Variants in MROH2B observed in about 807,000 individuals in gnomAD.
MROH2B encodes maestro heat-like repeat-containing protein family member 2B.
MROH2B carries 177 observed loss-of-function variants against 208.6 expected under a neutral mutation model. The observed-to-expected ratio is 0.85, with a 90% CI of 0.75 to 0.96. The LOEUF is 0.96. Among genes scored for constraint, MROH2B ranks in the 40% least tolerant of loss-of-function variants. The pLI is 0.00. For missense variants in MROH2B, 2,002 were observed against 1,878.7 expected, an observed-to-expected ratio of 1.07 and a Z score of -1.21; for synonymous variants, 728 against 659.0, an observed-to-expected ratio of 1.10 and a Z score of -1.60.
intron 17 of MROH2B, 151 bp downstream of exon 17, chr5:41,047,570 G>T: frequency 1.6e-6 from 1 of 644,022 alleles, no homozygotes; most frequent in Non-Finnish European, 2.6e-6. Flanking sequence ...CATTATCCTT[G>T]AGTGATCACT....
chr5:41,039,619 G>A (rs1742881547), intron 19 of MROH2B, 64 bp from the exon 20 acceptor site: 1 of 1,160,204 alleles, frequency 8.6e-7, no homozygotes, highest in South Asian at 1.5e-5. Context: ...AATATTTACT[G>A]AGCACCTATT....
intron 21 of MROH2B, among the ~76,000 whole-genome samples, chr5:41,038,479 G>A (rs963958234): frequency 3.3e-5 from 5 of 152,138 alleles, no homozygotes; most frequent in African/African-American, 1.2e-4. Flanking sequence ...AAACATACCA[G>A]ATCCTACCTA....
At chr5:41,033,677 G>A (rs325832) in intron 22 of MROH2B, among the ~76,000 whole-genome samples, 161 bp downstream of exon 22, 24,754 of 151,846 alleles carry the variant, frequency 0.16, 2,156 homozygotes, top group East Asian at 0.3. Context: ...CCCTGGATTA[G>A]GATCATGGAT....
At chr5:41,043,484 T>G (rs570631890) in intron 18 of MROH2B, among the ~76,000 whole-genome samples, 1 of 152,266 alleles carries the variant, frequency 6.6e-6, no homozygotes, top group East Asian at 1.9e-4. Context: ...AAAAAATTGG[T>G]CATGAAGGGA....
At chr5:41,019,080 A>C (rs1742057534) in intron 24 of MROH2B, 62 bp from the exon 25 acceptor site, 1 of 1,594,180 alleles carries the variant, frequency 6.3e-7, no homozygotes, top group East Asian at 2.2e-5. Flanking sequence ...TACCCAGTGG[A>C]ATTCCCAAGA....
chr5:41,017,776 A>C, intron 28 of MROH2B, 74 bp downstream of exon 28: 1 of 1,487,814 alleles, frequency 6.7e-7, no homozygotes, highest in Non-Finnish European at 9.0e-7. Context: ...ACATAGGTGC[A>C]TAAGGAGAAA....
rs535815991 is a variant in MROH2B, at chr5:41,051,775, G to A, written c.1231-685C>T. On this transcript the variant is annotated intron_variant, in intron 12 of 41. Coordinates refer to ENST00000399564, the MANE Select transcript of MROH2B (RefSeq NM_173489.5). ...TGGACTTCCCCGCATCTTGAACTGT[G>A]AGAAATAAATATTTTTTGTTTATAA... Among the ~76,000 whole-genome samples, 3 of 152,260 alleles carry A rather than the reference G, an allele frequency of 2.0e-5. No individual in the cohort carries two copies. In the South Asian group the frequency reaches 6.2e-4, roughly 32 times the overall value.
At chr5:41,020,951 T>TAAAAATTAAAA (rs1256341891) in intron 24 of MROH2B, among the ~76,000 whole-genome samples, 1 of 152,110 alleles carries the variant, frequency 6.6e-6, no homozygotes, top group African/African-American at 2.4e-5. Flanking sequence ...CCAGAGCAAT[T>TAAAAATTAAAA]AGGCAAGGAA....
chr5:41,035,021 C>A (rs372917965), intron 21 of MROH2B, among the ~76,000 whole-genome samples: 1 of 152,040 alleles, frequency 6.6e-6, no homozygotes, highest in African/African-American at 2.4e-5. Flanking sequence ...GATCATACTG[C>A]CCAAAGCAGT....
intron 21 of MROH2B, among the ~76,000 whole-genome samples, chr5:41,037,001 A>G (rs1480165931): frequency 6.6e-6 from 1 of 152,094 alleles, no homozygotes; most frequent in Non-Finnish European, 1.5e-5. Context: ...GTGTATAGTA[A>G]TCTTTATTTT....
At chr5:41,049,789 C>T (rs1743232741) in intron 13 of MROH2B, among the ~76,000 whole-genome samples, 1 of 152,128 alleles carries the variant, frequency 6.6e-6, no homozygotes, top group South Asian at 2.1e-4. Flanking sequence ...ACCAAAAATC[C>T]CCCAAGTACT....
chr5:41,031,298 T>C (rs1219161553), intron 24 of MROH2B, among the ~76,000 whole-genome samples: 1 of 151,984 alleles, frequency 6.6e-6, no homozygotes, highest in Non-Finnish European at 1.5e-5. Context: ...CTTATAAAAC[T>C]ATCAGATCTC....
chr5:41,067,702 T>C (rs912976733), intron 2 of MROH2B, among the ~76,000 whole-genome samples: 1 of 152,178 alleles, frequency 6.6e-6, no homozygotes, highest in African/African-American at 2.4e-5. Context: ...CATGCATCTT[T>C]AGGAGTCAAA....
At position 41,065,470 on chromosome 5, in the gene MROH2B, C is replaced by A. The variant is rs1230169115; in HGVS notation, c.222G>T (p.Met74Ile). The change falls in exon 4 of 42, where the codon ATG becomes ATT. Residue 74 changes from methionine (M) to isoleucine (I), a missense_variant. Transcript: ENST00000399564. ...GAGACACCAAAACCTCACCAGCTAG[C>A]ATTCTGATTTCTCTGAGCATCTGAG... ...RDNNMLREIR[M>I]LAGEVLVSLA... 2 of 1,612,700 alleles carry A rather than the reference C, an allele frequency of 1.2e-6. No individual in the cohort carries two copies. The highest frequency in any genetic ancestry group is 1.7e-6 in the Non-Finnish European group (2 of 1,179,426).
chr5:41,030,918 T>C (rs1322713754), intron 24 of MROH2B, among the ~76,000 whole-genome samples: 1 of 152,108 alleles, frequency 6.6e-6, no homozygotes, highest in Non-Finnish European at 1.5e-5. Flanking sequence ...AATTAAACAT[T>C]AACAAAAACT....
chr5:41,038,608 T>C, intron 21 of MROH2B, 128 bp downstream of exon 21: 1 of 862,204 alleles, frequency 1.2e-6, no homozygotes, highest in South Asian at 2.3e-5. Flanking sequence ...ACTGTATTAG[T>C]CTGTTTTCAC....
At chr5:41,021,140 A>G (rs986970570) in intron 24 of MROH2B, among the ~76,000 whole-genome samples, 2 of 152,248 alleles carry the variant, frequency 1.3e-5, no homozygotes. Context: ...GCATTTCTAT[A>G]TACAACTGAT....
At chr5:41,012,166 G>A (rs1251467214) in intron 30 of MROH2B, among the ~76,000 whole-genome samples, 1 of 152,182 alleles carries the variant, frequency 6.6e-6, no homozygotes, top group Non-Finnish European at 1.5e-5. Flanking sequence ...ATCAGACAAT[G>A]AACACTATGG....
chr5:41,047,752 C>T lies in MROH2B; in HGVS notation c.1697G>A (p.Ser566Asn). 1.3e-6 allele frequency: 2 copies of T among 1,592,466 alleles called. No individual in the cohort carries two copies. Among genetic ancestry groups the T allele is most frequent in the South Asian group, 1.1e-5 (1 of 87,298 alleles). Reference protein sequence around the residue: ...LLQPLEGKNISTVLWETMLLQ... With the variant: ...LLQPLEGKNINTVLWETMLLQ... The stretch of plus-strand genomic sequence containing the variant: ...CAGCATGGTTTCCCATAGAACGGTA[C>T]TGATGTTCTTTCCTAGAAACAAAAA... The change falls in exon 17 of 42, where the codon AGT becomes AAT. Residue 566 changes from serine (S) to asparagine (N), a missense_variant. Ser to Asn is a conservative substitution (Grantham distance 46). Transcript: ENST00000399564.
Sources: gnomAD v4.1 joint callset for allele counts (sites outside exome capture counted in the v4.1 genomes callset) on GRCh38, gnomAD v4.1.1 for gene constraint, MANE v1.5 for transcripts, NCBI Gene and HGNC (gene_info 2026-07-23, HGNC 2026-07-21) for gene names.